GBE1: variants seen among roughly 807,000 people sequenced by gnomAD.
The protein encoded by GBE1 is 1,4-alpha-glucan-branching enzyme.
GBE1 carries 70 observed loss-of-function variants against 88.8 expected under a neutral mutation model. The observed-to-expected ratio is 0.79, with a 90% CI of 0.65 to 0.96. The LOEUF (loss-of-function observed/expected upper bound fraction) is 0.96, where lower values mean the gene tolerates loss of function less well. GBE1 is among the 40% of genes least tolerant of loss of function. GBE1 has a pLI of 0.00. For synonymous variants in GBE1, 284 were observed against 300.1 expected, an observed-to-expected ratio of 0.95 and a Z score of 0.56; for missense variants, 872 against 871.0, an observed-to-expected ratio of 1.00 and a Z score of -0.01.
intron 9 of GBE1, among the ~76,000 whole-genome samples, chr3:81,589,227 A>C (rs1007703162): frequency 1.7e-4 from 26 of 152,208 alleles, no homozygotes; most frequent in African/African-American, 6.0e-4. Flanking sequence ...AAAATGTTTT[A>C]ATTAATATAG....
chr3:81,633,160 A>T (rs1704541198), intron 7 of GBE1, among the ~76,000 whole-genome samples: 1 of 152,176 alleles, frequency 6.6e-6, no homozygotes, highest in East Asian at 1.9e-4. Flanking sequence ...CAATGCTTGT[A>T]GTTATGTTTC....
At chr3:81,607,412 G>C (rs1253000784) in intron 7 of GBE1, among the ~76,000 whole-genome samples, 1 of 152,032 alleles carries the variant, frequency 6.6e-6, no homozygotes, top group Non-Finnish European at 1.5e-5. Context: ...AGCTGGGCTT[G>C]GTGGCGCACA....
At chr3:81,535,023 T>A (rs1337936880) in intron 14 of GBE1, 172 bp downstream of exon 14, 1 of 623,574 alleles carries the variant, frequency 1.6e-6, no homozygotes, top group Non-Finnish European at 2.7e-6. Context: ...TCAGTATAAC[T>A]GAGTCGAGCA....
chr3:81,669,615 C>T (rs1281211039), intron 3 of GBE1, among the ~76,000 whole-genome samples: 9 of 150,928 alleles, frequency 6.0e-5, no homozygotes, highest in African/African-American at 2.2e-4. Context: ...TGAGAGTATA[C>T]AGGAGTAGGA....
At chr3:81,646,041 C>A (rs939514502) in intron 6 of GBE1, among the ~76,000 whole-genome samples, 4 of 152,140 alleles carry the variant, frequency 2.6e-5, no homozygotes, top group African/African-American at 7.2e-5. Flanking sequence ...GGTGACCTTC[C>A]TAGATGAGTC....
At chr3:81,548,765 T>G (rs895903471) in intron 12 of GBE1, among the ~76,000 whole-genome samples, 1 of 150,722 alleles carries the variant, frequency 6.6e-6, no homozygotes, top group African/African-American at 2.4e-5. Context: ...AGGACTCTCA[T>G]GGAGAGCTGA....
intron 7 of GBE1, among the ~76,000 whole-genome samples, chr3:81,595,396 A>G (rs1248728436): frequency 6.6e-6 from 1 of 151,850 alleles, no homozygotes; most frequent in Non-Finnish European, 1.5e-5. Context: ...CTTATAATTA[A>G]TAAATTTTAT....
At chr3:81,758,104 T>C (rs1014631149) in intron 1 of GBE1, among the ~76,000 whole-genome samples, 5 of 152,146 alleles carry the variant, frequency 3.3e-5, no homozygotes, top group Non-Finnish European at 5.9e-5. Flanking sequence ...ACAGTTTCAG[T>C]AAAGAAAGAT....
intron 3 of GBE1, among the ~76,000 whole-genome samples, chr3:81,664,458 A>C (rs1253676757): frequency 2.0e-5 from 3 of 147,174 alleles, no homozygotes; most frequent in East Asian, 2.0e-4. Flanking sequence ...AAAAAAAAAA[A>C]CCTGCCAGCA....
intron 12 of GBE1, among the ~76,000 whole-genome samples, chr3:81,545,665 C>T (rs1703196980): frequency 6.6e-6 from 1 of 151,826 alleles, no homozygotes; most frequent in African/African-American, 2.4e-5. Flanking sequence ...TTGTATTCCA[C>T]CAGTCCACTC....
intron 12 of GBE1, among the ~76,000 whole-genome samples, chr3:81,553,925 A>ATTT (rs1430199633): frequency 6.6e-6 from 1 of 152,132 alleles, no homozygotes; most frequent in Non-Finnish European, 1.5e-5. Context: ...TTTTTGGCAC[A>ATTT]TTTTTAAATT....
chr3:81,636,260 T>C (rs1704590160), intron 7 of GBE1, among the ~76,000 whole-genome samples: 1 of 152,200 alleles, frequency 6.6e-6, no homozygotes, highest in Non-Finnish European at 1.5e-5. Context: ...TAGATTTAAC[T>C]GTTCTCCTTA....
At chr3:81,698,018 A>ATT (rs1559691360) in intron 2 of GBE1, among the ~76,000 whole-genome samples, 1 of 147,938 alleles carries the variant, frequency 6.8e-6, no homozygotes, top group African/African-American at 2.5e-5. Flanking sequence ...GGTGTTATAT[A>ATT]TTATATATAT....
chr3:81,616,227 C>A (rs1031014041), intron 7 of GBE1, among the ~76,000 whole-genome samples: 1 of 152,098 alleles, frequency 6.6e-6, no homozygotes, highest in African/African-American at 2.4e-5. Flanking sequence ...TGAAGTAGTC[C>A]AATTTATCAA....
intron 14 of GBE1, among the ~76,000 whole-genome samples, chr3:81,531,697 C>T (rs1703013226): frequency 6.6e-6 from 1 of 151,890 alleles, no homozygotes; most frequent in Non-Finnish European, 1.5e-5. Flanking sequence ...AGCTGGTATC[C>T]GAGTTATAAG....
At chr3:81,687,616 T>C (rs1705459574) in intron 2 of GBE1, among the ~76,000 whole-genome samples, 1 of 152,108 alleles carries the variant, frequency 6.6e-6, no homozygotes. Context: ...GGTGTGCAAA[T>C]GATTTCTGTG....
intron 3 of GBE1, among the ~76,000 whole-genome samples, chr3:81,669,450 GTTGCC>G (rs1705157804): frequency 6.6e-6 from 1 of 152,058 alleles, no homozygotes; most frequent in Non-Finnish European, 1.5e-5. Flanking sequence ...AACAATAATA[GTTGCC>G]TTGCCACAGT....
chr3:81,510,314 TA>T (rs576557905), intron 14 of GBE1, among the ~76,000 whole-genome samples: 134 of 152,268 alleles, frequency 8.8e-4, no homozygotes, highest in African/African-American at 3.1e-3. Flanking sequence ...GGTAGAAACA[TA>T]ATTTTTCTTT....
intron 12 of GBE1, among the ~76,000 whole-genome samples, chr3:81,538,666 T>C (rs374304669): frequency 1.3e-5 from 2 of 151,944 alleles, no homozygotes; most frequent in East Asian, 1.9e-4. Context: ...ACTAGCAAAA[T>C]AATGTACCTG....
Sources: gnomAD v4.1 joint callset for allele counts (sites outside exome capture counted in the v4.1 genomes callset) on GRCh38, gnomAD v4.1.1 for gene constraint, MANE v1.5 for transcripts, NCBI Gene and HGNC (gene_info 2026-07-23, HGNC 2026-07-21) for gene names.